MYO7B: variants seen among roughly 807,000 people sequenced by gnomAD.
The protein encoded by MYO7B is unconventional myosin-VIIb.
In MYO7B, 212 loss-of-function variants were observed where a neutral mutation model predicts 259.7. The ratio of observed to expected loss-of-function variants is 0.82; its 90% CI spans 0.73 to 0.91. The LOEUF is 0.91. Among genes scored for constraint, MYO7B ranks in the 40% least tolerant of loss-of-function variants. The probability of loss-of-function intolerance (pLI) is 0.00; values close to 1 mark genes in which losing one functional copy is unlikely to be tolerated. For synonymous variants in MYO7B, 1,197 were observed against 1,166.4 expected (o/e 1.03, Z -0.54); for missense variants, 2,732 against 2,813.5 (o/e 0.97, Z 0.66).
In MYO7B at chr2:127,584,732, G is replaced by C. The variant is rs749095777; in HGVS notation, c.1555-46G>C. On this transcript the variant is annotated intron_variant, in intron 13 of 47. Transcript: ENST00000409816. The surrounding 1 kb of genome is among the most constrained non-coding windows in gnomAD (Gnocchi z 5.8). The stretch of plus-strand genomic sequence containing the variant: ...AGTCCCTGAGCCTCACCTCCCCATG[G>C]CTGGACTCTGGGACCTCAGCCCACA... The C allele has an allele frequency of 6.2e-7, 1 of 1,608,468 alleles. No individual in the cohort carries two copies. The highest frequency in any genetic ancestry group is 8.5e-7 in the Non-Finnish European group (1 of 1,176,884).
At chr2:127,624,799 C>CA (rs1379580778) in intron 30 of MYO7B, among the ~76,000 whole-genome samples, 1 of 152,182 alleles carries the variant, frequency 6.6e-6, no homozygotes, top group African/African-American at 2.4e-5. Flanking sequence ...TGTGAGAAAG[C>CA]AGAGTGATCG....
At position 127,584,935 on chromosome 2, in the gene MYO7B, T is replaced by C. The variant is rs1418620929; in HGVS notation, c.1690+22T>C. 1 of 1,612,856 alleles carries C rather than the reference T, an allele frequency of 6.2e-7. No homozygotes were observed. Among genetic ancestry groups the C allele is most frequent in the Admixed American group, 1.7e-5 (1 of 59,934 alleles). ...GAAGGTGGGTGCAGCTCTCCTCTCA[T>C]GTCCCTTCCAAATCTGGACCGGGTT... On this transcript the variant is annotated intron_variant, in intron 14 of 47. Transcript: ENST00000409816. This position sits in a 1 kb window ranked among gnomAD's most constrained non-coding sequence, Gnocchi z 5.8.
Position 127,559,896 on chromosome 2 carries a change from A to G in MYO7B, c.18+156A>G, listed in dbSNP as rs1005501164. Reference sequence around the variant, plus strand: ...GAAACACGACAGATTCTAGCATCTAAAGAAAACAAGTTTGGCCAGCCACTG... The same window carrying G: ...GAAACACGACAGATTCTAGCATCTAGAGAAAACAAGTTTGGCCAGCCACTG... On this transcript the variant is annotated intron_variant, in intron 2 of 47. Transcript: ENST00000409816. The surrounding 1 kb of genome is among the most constrained non-coding windows in gnomAD (Gnocchi z 4.1). Among the ~76,000 whole-genome samples the G allele has an allele frequency of 7.2e-5, 11 of 152,186 alleles. No homozygotes were observed. Among genetic ancestry groups the G allele is most frequent in the Admixed American group, 7.2e-4 (11 of 15,290 alleles).
intron 1 of MYO7B, among the ~76,000 whole-genome samples, chr2:127,549,034 T>A (rs1693344256): frequency 6.6e-6 from 1 of 152,216 alleles, no homozygotes; most frequent in South Asian, 2.1e-4. Context: ...TTTATCCCTT[T>A]ATCATTATGT....
chr2:127,582,422 G>A lies in MYO7B; in HGVS notation c.1319G>A (p.Gly440Asp), dbSNP rs1234089437. ...RRAIGLLDIF[G>D]FENFENNSFE... ...GCCATCGGCCTCCTGGACATATTTGGCTTTGAAAATTTCGAGAACAATAGG... is the reference window on the plus strand; with the variant it reads ...GCCATCGGCCTCCTGGACATATTTGACTTTGAAAATTTCGAGAACAATAGG... The change falls in exon 12 of 48, where the codon GGC becomes GAC. Residue 440 changes from glycine (G) to aspartate (D), a missense_variant. Around this residue, in one of 3 missense-constraint regions of MYO7B, gnomAD observed 1,906 missense variants for 2,026.4 expected, o/e 0.94. Transcript: ENST00000409816. The A allele has an allele frequency of 6.2e-7, 1 of 1,613,212 alleles. No homozygotes were observed. Among genetic ancestry groups the A allele is most frequent in the Non-Finnish European group, 8.5e-7 (1 of 1,179,662 alleles).
intron 4 of MYO7B, among the ~76,000 whole-genome samples, chr2:127,566,042 C>T (rs191635423): frequency 8.5e-5 from 13 of 152,378 alleles, no homozygotes; most frequent in African/African-American, 3.1e-4. Context: ...GCTTGTGCTT[C>T]CAAAGGGCTT....
chr2:127,578,375 A>T, intron 9 of MYO7B, 89 bp downstream of exon 9: 3 of 1,527,382 alleles, frequency 2.0e-6, no homozygotes, highest in African/African-American at 2.7e-5. Flanking sequence ...TTCTCACAGG[A>T]AGGATCCTGT....
chr2:127,544,575 AT>A lies in MYO7B; in HGVS notation c.-24+8767del, dbSNP rs35578661. On this transcript the variant is annotated intron_variant, in intron 1 of 47. Transcript: ENST00000409816. ...AGGGGTGTGCCACCACGTCTGGCTA[AT>A]TTTTTTTTTTTTTTTTTTTTTTGAG... Among the ~76,000 whole-genome samples the A allele has an allele frequency of 4.4e-3, 459 of 103,164 alleles. 1 individual carries two copies. The highest frequency in any genetic ancestry group is 0.03 in the Middle Eastern group (5 of 164). The allele number at this position is 103,164 out of a possible 152,430, so 67.7% of individuals were successfully genotyped here.
In MYO7B at chr2:127,609,216, A is replaced by G. The variant is rs563918921; in HGVS notation, c.2815-290A>G. On this transcript the variant is annotated intron_variant, in intron 22 of 47. Coordinates refer to ENST00000409816, the MANE Select transcript of MYO7B (RefSeq NM_001393586.1). The surrounding 1 kb of genome is among the most constrained non-coding windows in gnomAD (Gnocchi z 6.9). The stretch of plus-strand genomic sequence containing the variant: ...CGCTGCTCTGCAGTGTGGCTGAGGA[A>G]GCTGCAGTGAGGATGGTGCATGCGG... Among the ~76,000 whole-genome samples, 3 of 152,032 alleles carry G rather than the reference A, an allele frequency of 2.0e-5. No individual in the cohort carries two copies. The highest frequency in any genetic ancestry group is 3.9e-4 in the East Asian group (2 of 5,128).
At chr2:127,617,593 C>T (rs1406290214) in intron 26 of MYO7B, among the ~76,000 whole-genome samples, 1 of 144,908 alleles carries the variant, frequency 6.9e-6, no homozygotes, top group Non-Finnish European at 1.5e-5. Context: ...AGCTCCGCTT[C>T]CCAGGTTCAC....
At chr2:127,542,565 T>A (rs17015399) in intron 1 of MYO7B, among the ~76,000 whole-genome samples, 1 of 152,016 alleles carries the variant, frequency 6.6e-6, no homozygotes, top group Non-Finnish European at 1.5e-5. Flanking sequence ...ATGCATACTA[T>A]GGATAAGGAT....
Position 127,628,633 on chromosome 2 carries a change from C to A in MYO7B, c.4624+98C>A. On this transcript the variant is annotated intron_variant, in intron 34 of 47. Transcript: ENST00000409816. This position sits in a 1 kb window ranked among gnomAD's most constrained non-coding sequence, Gnocchi z 4.8. ...TGGCATGCTCATCTCCACACAGCAGCCACAAGGCAAGCAGAGGGAGGGAAG... is the reference window on the plus strand; with the variant it reads ...TGGCATGCTCATCTCCACACAGCAGACACAAGGCAAGCAGAGGGAGGGAAG... 1 of 1,295,672 alleles carries A rather than the reference C, an allele frequency of 7.7e-7. No individual in the cohort carries two copies. The highest frequency in any genetic ancestry group is 1.1e-6 in the Non-Finnish European group (1 of 949,544). The allele number at this position is 1,295,672 out of a possible 1,614,324, so 80.3% of individuals were successfully genotyped here.
At chr2:127,565,203 C>A in intron 3 of MYO7B, 30 bp from the exon 4 acceptor site, 1 of 1,606,072 alleles carries the variant, frequency 6.2e-7, no homozygotes. Context: ...GGAGGCCACC[C>A]CTCAGGGGAG....
rs1342013263 is a variant in MYO7B, at chr2:127,546,322, C to T, written c.-24+10491C>T. The stretch of plus-strand genomic sequence containing the variant: ...TTGCTGTGGGGCTCAAATGAGAGAA[C>T]CTGTGGAAAGTGCCCTGCACACAAC... On this transcript the variant is annotated intron_variant, in intron 1 of 47. Coordinates refer to ENST00000409816, the MANE Select transcript of MYO7B (RefSeq NM_001393586.1). The surrounding 1 kb of genome is among the most constrained non-coding windows in gnomAD (Gnocchi z 4.2). Among the ~76,000 whole-genome samples, 2 of 152,186 alleles carry T rather than the reference C, an allele frequency of 1.3e-5. No individual in the cohort carries two copies. The highest frequency in any genetic ancestry group is 1.3e-4 in the Admixed American group (2 of 15,282).
chr2:127,610,050 GAC>G (rs1558833992), intron 24 of MYO7B, 34 bp downstream of exon 24: 1 of 1,599,316 alleles, frequency 6.3e-7, no homozygotes, highest in Admixed American at 1.7e-5. Context: ...AGAGGAGGGC[GAC>G]ACCTACCAGG....
At chr2:127,629,257 A>G (rs539884013) in intron 34 of MYO7B, among the ~76,000 whole-genome samples, 2 of 152,322 alleles carry the variant, frequency 1.3e-5, no homozygotes, top group East Asian at 3.9e-4. Flanking sequence ...GGAGGGAAAG[A>G]GGATTGCCAT....
chr2:127,556,618 A>G (rs570845495), intron 1 of MYO7B, among the ~76,000 whole-genome samples: 8 of 152,178 alleles, frequency 5.3e-5, no homozygotes, highest in Admixed American at 6.5e-5. Context: ...GTTTGTCTGA[A>G]AAAGACTGGA....
At position 127,627,155 on chromosome 2, in the gene MYO7B, G is replaced by T; in HGVS notation, c.4334-29G>T. The T allele has an allele frequency of 6.2e-7, 1 of 1,604,092 alleles. No homozygotes were observed. The highest frequency in any genetic ancestry group is 8.5e-7 in the Non-Finnish European group (1 of 1,175,618). ...GCTGGGCACCCAGGGGTCCCATGCA[G>T]CCTTCACACTGCCGTCTCTCCTGGC... is the stretch of plus-strand genomic sequence containing the variant. On this transcript the variant is annotated intron_variant, in intron 32 of 47. Transcript: ENST00000409816. The surrounding 1 kb of genome is among the most constrained non-coding windows in gnomAD (Gnocchi z 5.6).
intron 2 of MYO7B, among the ~76,000 whole-genome samples, chr2:127,561,533 G>C (rs1678086670): frequency 1.3e-5 from 2 of 152,190 alleles, no homozygotes; most frequent in African/African-American, 2.4e-5. Context: ...AAAGTGCAGA[G>C]TGGTCATGTT....
Sources: allele counts gnomAD v4.1 joint callset (sites outside exome capture counted in the v4.1 genomes callset), GRCh38; gene constraint gnomAD v4.1.1; regional missense constraint gnomAD v4.1.1; non-coding constraint Gnocchi (gnomAD v3.1); transcripts MANE v1.5; gene names NCBI Gene and HGNC (gene_info 2026-07-23, HGNC 2026-07-21).